The following IL1RAPL1 variants were observed in gnomAD, a reference collection of about 807,000 sequenced individuals.
The protein encoded by IL1RAPL1 is interleukin-1 receptor accessory protein-like 1.
Under a neutral mutation model 48.4 loss-of-function variants are expected in IL1RAPL1, and 3 were observed. That is an observed-to-expected ratio of 0.06 (90% confidence interval 0.03 to 0.16). The LOEUF (loss-of-function observed/expected upper bound fraction) is 0.16, where lower values mean the gene tolerates loss of function less well. IL1RAPL1 is among the 10% of genes least tolerant of loss of function. The probability of loss-of-function intolerance (pLI) is 1.00; values close to 1 mark genes in which losing one functional copy is unlikely to be tolerated. For missense variants in IL1RAPL1, 349 were observed against 530.6 expected (o/e 0.66, Z 3.36); for synonymous variants, 185 against 187.7 (o/e 0.99, Z 0.12).
intron 5 of IL1RAPL1, among the ~76,000 whole-genome samples, chrX:29,518,202 A>T (rs1453641300): frequency 1.8e-5 from 2 of 111,880 alleles, no homozygotes; most frequent in Non-Finnish European, 3.8e-5. Flanking sequence ...AATATGACAG[A>T]TTACTGCCTT....
intron 3 of IL1RAPL1, among the ~76,000 whole-genome samples, chrX:29,367,613 C>T (rs1370874346): frequency 9.4e-6 from 1 of 106,348 alleles, no homozygotes; most frequent in Non-Finnish European, 1.9e-5. Flanking sequence ...TGAAGTTTCG[C>T]TCTGTCACCC....
At chrX:29,255,029 A>G (rs762675913) in intron 2 of IL1RAPL1, among the ~76,000 whole-genome samples, 1 of 110,811 alleles carries the variant, frequency 9.0e-6, no homozygotes, top group African/African-American at 3.3e-5. Context: ...TCGTGTCATT[A>G]GATTTAAAAA....
chrX:29,955,265 C>T lies in IL1RAPL1; in HGVS notation c.1536C>T (p.Cys512=). The change falls in exon 11 of 11, where the codon TGC becomes TGT. Residue 512 remains cysteine, a synonymous_variant. Coordinates refer to ENST00000378993, the MANE Select transcript of IL1RAPL1 (RefSeq NM_014271.4). The part of the protein sequence containing the change: ...TGEIKVILIE[C]SELRGIMNYQ... ...AAATTAAAGTGATTCTAATTGAATG[C>T]AGTGAACTGAGAGGAATTATGAACT... is the stretch of plus-strand genomic sequence containing the variant. 8.3e-7 allele frequency: 1 copy of T among 1,211,128 alleles called. No individual in the cohort carries two copies. The highest frequency in any genetic ancestry group is 1.1e-6 in the Non-Finnish European group (1 of 895,130).
Position 28,812,374 on chromosome X carries a change from A to C in IL1RAPL1, c.82+22949A>C, listed in dbSNP as rs769331159. Among the ~76,000 whole-genome samples the C allele has an allele frequency of 5.9e-3, 651 of 110,969 alleles. 2 individuals carry two copies. Among genetic ancestry groups the C allele is most frequent in the Non-Finnish European group, 8.2e-3 (432 of 52,565 alleles). On this transcript the variant is annotated intron_variant, in intron 2 of 10. Coordinates refer to ENST00000378993, the MANE Select transcript of IL1RAPL1 (RefSeq NM_014271.4). ...AAGTGTCAACTCTCTGAATATTGTA[A>C]AATATGTAATTTTGGGTAAATTTAA... is the stretch of plus-strand genomic sequence containing the variant.
At chrX:28,678,600 T>C (rs753321843) in intron 1 of IL1RAPL1, among the ~76,000 whole-genome samples, 4 of 111,217 alleles carry the variant, frequency 3.6e-5, no homozygotes, top group Non-Finnish European at 7.5e-5. Context: ...GAGAGAAAAA[T>C]AGAGAGAAGG....
At chrX:29,055,841 G>A (rs1197697239) in intron 2 of IL1RAPL1, among the ~76,000 whole-genome samples, 1 of 111,571 alleles carries the variant, frequency 9.0e-6, no homozygotes. Flanking sequence ...TTTAACTTAC[G>A]AGAAATTGGC....
At chrX:29,056,331 A>C (rs1927213466) in intron 2 of IL1RAPL1, among the ~76,000 whole-genome samples, 1 of 111,386 alleles carries the variant, frequency 9.0e-6, no homozygotes, top group East Asian at 2.8e-4. Flanking sequence ...AGGAAAGGAG[A>C]TCTCTTGTTT....
intron 6 of IL1RAPL1, among the ~76,000 whole-genome samples, chrX:29,787,190 A>G (rs1191625673): frequency 9.0e-6 from 1 of 111,467 alleles, no homozygotes; most frequent in East Asian, 2.8e-4. Context: ...GAACATTCTC[A>G]TTGACCAAAC....
At chrX:29,804,508 GAGTA>G (rs1004319786) in intron 6 of IL1RAPL1, among the ~76,000 whole-genome samples, 2 of 111,223 alleles carry the variant, frequency 1.8e-5, no homozygotes, top group African/African-American at 6.5e-5. Flanking sequence ...TTGTGGTAGT[GAGTA>G]AGTCTCTTGA....
At chrX:28,676,411 T>A (rs1050431296) in intron 1 of IL1RAPL1, among the ~76,000 whole-genome samples, 2 of 111,685 alleles carry the variant, frequency 1.8e-5, no homozygotes, top group Non-Finnish European at 3.8e-5. Context: ...ATGCAATATT[T>A]TTTTATTTTC....
intron 2 of IL1RAPL1, among the ~76,000 whole-genome samples, chrX:29,060,235 G>A (rs181597306): frequency 2.9e-3 from 326 of 111,521 alleles, no homozygotes; most frequent in Middle Eastern, 0.014. Flanking sequence ...TATTGAAGTA[G>A]GAATACACAC....
At chrX:29,739,835 G>A (rs192635444) in intron 6 of IL1RAPL1, among the ~76,000 whole-genome samples, 1 of 110,544 alleles carries the variant, frequency 9.0e-6, no homozygotes, top group Non-Finnish European at 1.9e-5. Context: ...GAGGCAGGTG[G>A]ATTGCCTGAG....
intron 3 of IL1RAPL1, among the ~76,000 whole-genome samples, chrX:29,393,736 A>G (rs112025828): frequency 7.3e-5 from 7 of 96,091 alleles, no homozygotes; most frequent in African/African-American, 2.1e-4. Flanking sequence ...TTTTTTTTTT[A>G]ATTCTGTGTT....
intron 5 of IL1RAPL1, among the ~76,000 whole-genome samples, chrX:29,548,565 A>T (rs1466114324): frequency 1.8e-5 from 2 of 112,361 alleles, no homozygotes; most frequent in Admixed American, 9.4e-5. Context: ...ATGTTTTTAA[A>T]ATAGAAAATT....
At chrX:29,716,745 A>G in intron 6 of IL1RAPL1, among the ~76,000 whole-genome samples, 1 of 111,901 alleles carries the variant, frequency 8.9e-6, no homozygotes, top group East Asian at 2.8e-4. Flanking sequence ...GTCTGGCTGC[A>G]GAGCTGAGCA....
chrX:29,912,108 C>T (rs1932762039), intron 6 of IL1RAPL1, among the ~76,000 whole-genome samples: 2 of 111,551 alleles, frequency 1.8e-5, no homozygotes, highest in South Asian at 7.5e-4. Context: ...TTTTCAATGA[C>T]TGTGCTTAAC....
chrX:29,022,845 A>G (rs1226975435), intron 2 of IL1RAPL1, among the ~76,000 whole-genome samples: 3 of 111,985 alleles, frequency 2.7e-5, no homozygotes, highest in African/African-American at 9.7e-5. Flanking sequence ...ACCAATCTAT[A>G]GGCTTCATAG....
chrX:29,836,624 G>C (rs1477620673), intron 6 of IL1RAPL1, among the ~76,000 whole-genome samples: 1 of 111,749 alleles, frequency 8.9e-6, no homozygotes, highest in African/African-American at 3.3e-5. Flanking sequence ...TCCTGTTATG[G>C]ATTTCTAGTT....
intron 6 of IL1RAPL1, among the ~76,000 whole-genome samples, chrX:29,883,362 C>G (rs1932068361): frequency 9.0e-6 from 1 of 110,998 alleles, no homozygotes; most frequent in African/African-American, 3.3e-5. Flanking sequence ...TTTCAGGGGC[C>G]TGCAATTCAG....
Sources: allele counts gnomAD v4.1 joint callset (sites outside exome capture counted in the v4.1 genomes callset), GRCh38; gene constraint gnomAD v4.1.1; transcripts MANE v1.5; gene names NCBI Gene and HGNC (gene_info 2026-07-23, HGNC 2026-07-21).